Variants in RBFOX1 observed in about 807,000 individuals in gnomAD.
The protein encoded by RBFOX1 is RNA binding protein fox-1 homolog 1.
In RBFOX1, 8 loss-of-function variants were observed where a neutral mutation model predicts 57.7. The observed-to-expected ratio is 0.14, with a 90% CI of 0.08 to 0.25. The LOEUF is 0.25. RBFOX1 is among the 10% of genes least tolerant of loss of function. The pLI, the probability that RBFOX1 is intolerant of heterozygous loss-of-function variation, is 1.00. For missense variants in RBFOX1, 611 were observed against 548.5 expected (o/e 1.11, Z -1.14); for synonymous variants, 326 against 222.4 (o/e 1.47, Z -4.15).
chr16:6,729,265 G>C (rs190311218), intron 3 of RBFOX1, among the ~76,000 whole-genome samples: 2 of 152,234 alleles, frequency 1.3e-5, no homozygotes, highest in Non-Finnish European at 2.9e-5. Flanking sequence ...TAATTTACTT[G>C]AGATTGGGAC....
At chr16:5,268,512 A>G (rs1401102886) in intron 1 of RBFOX1, among the ~76,000 whole-genome samples, 1 of 152,256 alleles carries the variant, frequency 6.6e-6, no homozygotes, top group Non-Finnish European at 1.5e-5. Context: ...AAAGTTTAGC[A>G]GTCAGTCTTA....
At chr16:5,568,675 G>C (rs2046159761) in intron 2 of RBFOX1, among the ~76,000 whole-genome samples, 1 of 152,122 alleles carries the variant, frequency 6.6e-6, no homozygotes, top group African/African-American at 2.4e-5. Flanking sequence ...ACCTATGCCA[G>C]CATGGGCTTT....
At chr16:7,104,052 A>G (rs993033462) in intron 4 of RBFOX1, among the ~76,000 whole-genome samples, 1 of 152,220 alleles carries the variant, frequency 6.6e-6, no homozygotes, top group Non-Finnish European at 1.5e-5. Context: ...AAAATCTAAA[A>G]TAGTTCGTTA....
intron 4 of RBFOX1, among the ~76,000 whole-genome samples, chr16:7,344,218 T>C (rs1327202025): frequency 1.3e-5 from 2 of 150,840 alleles, no homozygotes; most frequent in East Asian, 3.9e-4. Flanking sequence ...TACTCTTCTG[T>C]AGGACAGGGA....
intron 3 of RBFOX1, among the ~76,000 whole-genome samples, chr16:7,027,198 T>C (rs1030268249): frequency 4.6e-5 from 7 of 152,170 alleles, no homozygotes; most frequent in African/African-American, 1.2e-4. Flanking sequence ...CTGTATCTTA[T>C]TGAACTCTCC....
intron 2 of RBFOX1, among the ~76,000 whole-genome samples, chr16:6,472,315 C>A (rs530365948): frequency 6.6e-6 from 1 of 152,178 alleles, no homozygotes; most frequent in Non-Finnish European, 1.5e-5. Flanking sequence ...CTATGGTACA[C>A]GTGGTGGAGA....
At chr16:5,530,974 A>C (rs2044452865) in intron 2 of RBFOX1, among the ~76,000 whole-genome samples, 1 of 136,882 alleles carries the variant, frequency 7.3e-6, no homozygotes, top group Non-Finnish European at 1.6e-5. Flanking sequence ...AAAAAAAAAA[A>C]ATTAGCCAGG....
At chr16:6,136,064 G>A (rs555659283) in intron 1 of RBFOX1, among the ~76,000 whole-genome samples, 58 of 152,140 alleles carry the variant, frequency 3.8e-4, no homozygotes, top group Non-Finnish European at 1.0e-4. Context: ...CAACGTGCTG[G>A]GATTACAGGC....
intron 1 of RBFOX1, among the ~76,000 whole-genome samples, chr16:6,077,848 T>C (rs572631010): frequency 4.0e-4 from 61 of 152,168 alleles, no homozygotes; most frequent in African/African-American, 1.4e-3. Context: ...CTTAGAGCTT[T>C]TGGGAGCTTG....
intron 1 of RBFOX1, chr16:5,365,995 A>G: frequency 2.0e-6 from 1 of 500,428 alleles, no homozygotes; most frequent in Non-Finnish European, 3.9e-6. Context: ...GCAGTGAATT[A>G]GAAGGCAGTC....
chr16:5,925,874 G>A (rs1486675282), intron 4 of RBFOX1, among the ~76,000 whole-genome samples: 1 of 152,170 alleles, frequency 6.6e-6, no homozygotes, highest in Admixed American at 6.5e-5. Flanking sequence ...ACCTTGGGCA[G>A]TGTTTCACTA....
At chr16:6,041,060 T>A (rs1030210833) in intron 1 of RBFOX1, among the ~76,000 whole-genome samples, 6 of 152,192 alleles carry the variant, frequency 3.9e-5, no homozygotes, top group African/African-American at 1.4e-4. Flanking sequence ...TACAATATCA[T>A]AGAGAATAGT....
intron 14 of RBFOX1, among the ~76,000 whole-genome samples, chr16:7,702,283 G>A (rs1241109094): frequency 6.6e-6 from 1 of 152,186 alleles, no homozygotes; most frequent in Admixed American, 6.5e-5. Flanking sequence ...AAGATCTTCT[G>A]TGAAGTCCCA....
intron 3 of RBFOX1, among the ~76,000 whole-genome samples, chr16:5,636,380 C>G (rs1310618836): frequency 6.6e-6 from 1 of 152,040 alleles, no homozygotes; most frequent in African/African-American, 2.4e-5. Flanking sequence ...ATTAAAAAAC[C>G]TATTTAATAA....
At chr16:5,956,882 G>T (rs1041910247) in intron 4 of RBFOX1, among the ~76,000 whole-genome samples, 3 of 150,564 alleles carry the variant, frequency 2.0e-5, no homozygotes, top group Admixed American at 1.3e-4. Flanking sequence ...TTTTGGCCAG[G>T]CTGCTTGGTC....
chr16:7,207,363 C>T (rs1335609010), intron 4 of RBFOX1, among the ~76,000 whole-genome samples: 1 of 152,122 alleles, frequency 6.6e-6, no homozygotes, highest in South Asian at 2.1e-4. Flanking sequence ...ACTGTCCCTT[C>T]CAAGAATCTT....
At position 7,324,359 on chromosome 16, in the gene RBFOX1, C is replaced by T. The variant is rs1321614420; in HGVS notation, c.28-193788C>T. Among the ~76,000 whole-genome samples the T allele has an allele frequency of 2.0e-5, 3 of 151,862 alleles. No homozygotes were observed. The South Asian group carries it at 6.3e-4, about 32-fold the overall frequency. On this transcript the variant is annotated intron_variant, in intron 4 of 15. Coordinates refer to ENST00000550418, the MANE Select transcript of RBFOX1 (RefSeq NM_018723.4). Reference sequence around the variant, plus strand: ...TGCTGTTAGGAGTGGCCTCTGTGTCCAGCTCCTGTAGGGTCCTGGAGCACA... The same window carrying T: ...TGCTGTTAGGAGTGGCCTCTGTGTCTAGCTCCTGTAGGGTCCTGGAGCACA...
At chr16:6,288,256 G>A (rs189868720) in intron 1 of RBFOX1, among the ~76,000 whole-genome samples, 33 of 152,124 alleles carry the variant, frequency 2.2e-4, no homozygotes, top group Admixed American at 7.9e-4. Flanking sequence ...TTATAGCGAT[G>A]TTTATCAAGT....
chr16:5,766,027 G>A (rs554686263), intron 3 of RBFOX1, among the ~76,000 whole-genome samples: 1 of 152,322 alleles, frequency 6.6e-6, no homozygotes, highest in Admixed American at 6.5e-5. Flanking sequence ...GGACAGTGGG[G>A]ACTAGCTTGG....
Sources: gnomAD v4.1 joint callset for allele counts (sites outside exome capture counted in the v4.1 genomes callset) on GRCh38, gnomAD v4.1.1 for gene constraint, MANE v1.5 for transcripts, NCBI Gene and HGNC (gene_info 2026-07-23, HGNC 2026-07-21) for gene names.